NOS1AP: variants seen among roughly 807,000 people sequenced by gnomAD.
NOS1AP encodes the protein carboxyl-terminal PDZ ligand of neuronal nitric oxide synthase protein.
Under a neutral mutation model 56.2 loss-of-function variants are expected in NOS1AP, and 21 were observed. The observed-to-expected ratio is 0.37, with a 90% CI of 0.26 to 0.54. The LOEUF (loss-of-function observed/expected upper bound fraction) is 0.54. Among genes scored for constraint, NOS1AP ranks in the 20% least tolerant of loss-of-function variants. NOS1AP has a pLI of 0.84. For missense variants in NOS1AP, 522 were observed against 657.8 expected (o/e 0.79, Z 2.26); for synonymous variants, 270 against 274.6 (o/e 0.98, Z 0.17).
At chr1:162,082,273 G>A (rs545373863) in intron 1 of NOS1AP, among the ~76,000 whole-genome samples, 7 of 152,098 alleles carry the variant, frequency 4.6e-5, no homozygotes, top group South Asian at 2.1e-4. Flanking sequence ...ACATGATCTC[G>A]TACTTTTTCA....
At chr1:162,090,487 G>A (rs1692107163) in intron 1 of NOS1AP, among the ~76,000 whole-genome samples, 1 of 151,878 alleles carries the variant, frequency 6.6e-6, no homozygotes, top group Non-Finnish European at 1.5e-5. Flanking sequence ...TTTTTTCCAG[G>A]AAAGTTTTCA....
intron 2 of NOS1AP, among the ~76,000 whole-genome samples, chr1:162,268,744 C>T (rs1654497718): frequency 6.6e-6 from 1 of 151,894 alleles, no homozygotes; most frequent in Non-Finnish European, 1.5e-5. Context: ...AGAGAACTCT[C>T]AGAAATTAAA....
chr1:162,355,056 G>A lies in NOS1AP; in HGVS notation c.596-131G>A. On this transcript the variant is annotated intron_variant, in intron 6 of 9. Coordinates refer to ENST00000361897, the MANE Select transcript of NOS1AP (RefSeq NM_014697.3). ...GCACTTTAACGTACTTGAGTGAAAA[G>A]ATGTGTGAAAATGTTACAAAGCCAG... The A allele has an allele frequency of 3.2e-6, 3 of 944,196 alleles. No individual in the cohort carries two copies. The Admixed American group carries it at 5.4e-5, about 17-fold the overall frequency. The allele number at this position is 944,196 out of a possible 1,614,324, so 58.5% of individuals were successfully genotyped here. A position where few individuals can be genotyped will look rare whatever the true frequency, so the allele number is the denominator to read the frequency against.
At chr1:162,344,059 G>T in intron 6 of NOS1AP, 83 bp downstream of exon 6, 1 of 1,460,984 alleles carries the variant, frequency 6.8e-7, no homozygotes, top group Non-Finnish European at 9.5e-7. Context: ...TGACCCCCAG[G>T]CTGTGAACTC....
Position 162,223,154 on chromosome 1 carries a change from AC to A in NOS1AP, c.178-64189del, listed in dbSNP as rs371635573. Among the ~76,000 whole-genome samples the A allele has an allele frequency of 2.2e-3, 341 of 152,362 alleles. 1 individual carries two copies. Among genetic ancestry groups the A allele is most frequent in the Middle Eastern group, 0.01 (3 of 294 alleles). ...TAAGACAGTTGAGATTATTCCTATT[AC>A]ATGTAAGAGTTAAGTGAAAAAATAC... On this transcript the variant is annotated intron_variant, in intron 2 of 9. Transcript: ENST00000361897.
rs547138498 is a variant in NOS1AP at position 162,216,467 on chromosome 1, G to A, written c.177+61991G>A. 2.6e-5 allele frequency among the ~76,000 whole-genome samples: 4 copies of A among 152,312 alleles called. No homozygotes were observed. The East Asian group carries it at 7.7e-4, about 29-fold the overall frequency. ...AATCACTGGACCATTTCCTTCTAGA[G>A]CGGGCTTTACATCTTATAGTTGGAC... On this transcript the variant is annotated intron_variant, in intron 2 of 9. Coordinates refer to ENST00000361897, the MANE Select transcript of NOS1AP (RefSeq NM_014697.3).
intron 1 of NOS1AP, among the ~76,000 whole-genome samples, chr1:162,071,782 A>G (rs1429951519): frequency 6.6e-6 from 1 of 152,202 alleles, no homozygotes; most frequent in Non-Finnish European, 1.5e-5. Flanking sequence ...ATGAGTTTTC[A>G]TCAGGGTCAT....
Position 162,149,781 on chromosome 1 carries a change from A to G in NOS1AP, c.106-4624A>G, listed in dbSNP as rs189849009. Among the ~76,000 whole-genome samples the G allele has an allele frequency of 4.2e-4, 64 of 152,348 alleles. 1 individual carries two copies. Among genetic ancestry groups the G allele is most frequent in the Admixed American group, 3.1e-3 (47 of 15,300 alleles). On this transcript the variant is annotated intron_variant, in intron 1 of 9. Transcript: ENST00000361897. Reference sequence around the variant, plus strand: ...GGTTATTTATTCCAGACACATTCTCAAAAAGGCAGATTAGTGATTCTTGTT... The same window carrying G: ...GGTTATTTATTCCAGACACATTCTCGAAAAGGCAGATTAGTGATTCTTGTT...
At chr1:162,213,671 C>T (rs533582717) in intron 2 of NOS1AP, among the ~76,000 whole-genome samples, 1 of 152,288 alleles carries the variant, frequency 6.6e-6, no homozygotes, top group Admixed American at 6.5e-5. Flanking sequence ...TGGAGTCATT[C>T]CCAGCCTGGG....
chr1:162,364,826 T>A, intron 8 of NOS1AP: 1 of 987,962 alleles, frequency 1.0e-6, no homozygotes, highest in Non-Finnish European at 1.2e-6. Flanking sequence ...CCTCACTAAT[T>A]TAAAAAGCCA....
At chr1:162,239,211 G>A (rs1052044059) in intron 2 of NOS1AP, among the ~76,000 whole-genome samples, 1 of 152,124 alleles carries the variant, frequency 6.6e-6, no homozygotes, top group Non-Finnish European at 1.5e-5. Context: ...ATCAGATATG[G>A]GCTCCACATG....
intron 2 of NOS1AP, among the ~76,000 whole-genome samples, chr1:162,158,771 C>G (rs1242715267): frequency 6.6e-6 from 1 of 152,102 alleles, no homozygotes; most frequent in African/African-American, 2.4e-5. Context: ...ATGACCCAGA[C>G]AAGAAGGAAG....
At chr1:162,303,162 T>A (rs1472984059) in intron 4 of NOS1AP, among the ~76,000 whole-genome samples, 1 of 152,250 alleles carries the variant, frequency 6.6e-6, no homozygotes, top group Non-Finnish European at 1.5e-5. Flanking sequence ...ATGTTCATTA[T>A]GTTCAAGTCT....
intron 5 of NOS1AP, among the ~76,000 whole-genome samples, chr1:162,333,382 C>T (rs943431732): frequency 5.9e-5 from 9 of 152,214 alleles, no homozygotes; most frequent in Non-Finnish European, 7.4e-5. Flanking sequence ...TAAACAGCAC[C>T]GGGAGTGATG....
intron 2 of NOS1AP, among the ~76,000 whole-genome samples, chr1:162,223,708 T>C (rs926741593): frequency 2.0e-4 from 30 of 152,206 alleles, no homozygotes; most frequent in Non-Finnish European, 2.9e-5. Flanking sequence ...ATAGCTGTGG[T>C]TTTGTAGGTA....
At chr1:162,145,601 C>T (rs1034408954) in intron 1 of NOS1AP, among the ~76,000 whole-genome samples, 1 of 152,146 alleles carries the variant, frequency 6.6e-6, no homozygotes, top group Non-Finnish European at 1.5e-5. Context: ...CTCAGCAGGA[C>T]GCTCAGCTGT....
chr1:162,198,652 A>G (rs1201375555), intron 2 of NOS1AP, among the ~76,000 whole-genome samples: 1 of 152,158 alleles, frequency 6.6e-6, no homozygotes, highest in African/African-American at 2.4e-5. Flanking sequence ...CAAATCTCTA[A>G]ATGATTGTTC....
intron 2 of NOS1AP, among the ~76,000 whole-genome samples, chr1:162,280,953 G>C (rs998993277): frequency 2.6e-5 from 4 of 152,122 alleles, no homozygotes; most frequent in Non-Finnish European, 5.9e-5. Flanking sequence ...AAACTGCCAT[G>C]GTTCTCAGGA....
chr1:162,348,719 T>C (rs1301192037), intron 6 of NOS1AP, among the ~76,000 whole-genome samples: 1 of 152,142 alleles, frequency 6.6e-6, no homozygotes, highest in Non-Finnish European at 1.5e-5. Flanking sequence ...TGTTAAATAA[T>C]ATAAAGGGAG....
Sources: gnomAD v4.1 joint callset for allele counts (sites outside exome capture counted in the v4.1 genomes callset) on GRCh38, gnomAD v4.1.1 for gene constraint, MANE v1.5 for transcripts, NCBI Gene and HGNC (gene_info 2026-07-23, HGNC 2026-07-21) for gene names.